The following DLG2 variants were observed in gnomAD, a reference collection of about 807,000 sequenced individuals.
DLG2 encodes the protein disks large homolog 2.
DLG2 carries 45 observed loss-of-function variants against 132.5 expected under a neutral mutation model. The observed-to-expected ratio is 0.34, with a 90% confidence interval of 0.27 to 0.44. The LOEUF is 0.44. Among genes scored for constraint, DLG2 ranks in the 20% least tolerant of loss-of-function variants. The pLI is 1.00. For missense variants in DLG2, 1,045 were observed against 1,196.9 expected (o/e 0.87, Z 1.87); for synonymous variants, 424 against 419.6 (o/e 1.01, Z -0.13).
intron 14 of DLG2, among the ~76,000 whole-genome samples, chr11:83,954,840 T>A (rs905637728): frequency 9.2e-5 from 14 of 152,232 alleles, no homozygotes; most frequent in Non-Finnish European, 2.9e-5. Flanking sequence ...GCAGCTGGTA[T>A]TAGATATTCA....
At chr11:85,481,474 A>G (rs964820951) in intron 3 of DLG2, among the ~76,000 whole-genome samples, 5 of 152,158 alleles carry the variant, frequency 3.3e-5, no homozygotes, top group Admixed American at 6.5e-5. Context: ...TACATTACCC[A>G]TTTCACCCAA....
chr11:84,420,008 G>C (rs1026224061), intron 7 of DLG2, among the ~76,000 whole-genome samples: 5 of 152,016 alleles, frequency 3.3e-5, no homozygotes, highest in Admixed American at 2.0e-4. Flanking sequence ...AACAACACTG[G>C]GGCTACAGGA....
At chr11:84,647,749 G>A (rs1472888052) in intron 6 of DLG2, among the ~76,000 whole-genome samples, 1 of 152,200 alleles carries the variant, frequency 6.6e-6, no homozygotes, top group Non-Finnish European at 1.5e-5. Flanking sequence ...TCATAGAGAT[G>A]TGAACAGTAT....
At chr11:84,000,995 C>T (rs938224808) in intron 11 of DLG2, among the ~76,000 whole-genome samples, 1 of 151,818 alleles carries the variant, frequency 6.6e-6, no homozygotes, top group Non-Finnish European at 1.5e-5. Context: ...AGCTACCAAA[C>T]CAAAATGGAA....
At chr11:84,287,741 GACACACACACACAC>G (rs373708341) in intron 7 of DLG2, among the ~76,000 whole-genome samples, 4 of 139,290 alleles carry the variant, frequency 2.9e-5, no homozygotes, top group Admixed American at 7.3e-5. Flanking sequence ...CTCTCTCTTA[GACACACACACACAC>G]ACACACACAC....
At chr11:84,732,947 A>G (rs1425349673) in intron 6 of DLG2, among the ~76,000 whole-genome samples, 1 of 152,046 alleles carries the variant, frequency 6.6e-6, no homozygotes. Flanking sequence ...AGCTTCATCC[A>G]TGTCCCTACA....
chr11:84,902,636 A>G (rs1233485265), intron 6 of DLG2, among the ~76,000 whole-genome samples: 1 of 152,064 alleles, frequency 6.6e-6, no homozygotes, highest in Admixed American at 6.6e-5. Context: ...TTCAACTGCC[A>G]CTTACATAGT....
intron 15 of DLG2, among the ~76,000 whole-genome samples, chr11:83,904,321 A>G (rs1302181100): frequency 1.3e-5 from 2 of 152,224 alleles, no homozygotes; most frequent in African/African-American, 4.8e-5. Context: ...AAAATCATGG[A>G]CAAATTGAGG....
At chr11:84,310,639 C>T (rs1337926963) in intron 7 of DLG2, among the ~76,000 whole-genome samples, 1 of 152,196 alleles carries the variant, frequency 6.6e-6, no homozygotes, top group Non-Finnish European at 1.5e-5. Context: ...TGTGTTATCA[C>T]TTGCTCTCTT....
intron 6 of DLG2, among the ~76,000 whole-genome samples, chr11:85,008,385 A>C (rs897000727): frequency 6.6e-6 from 1 of 152,072 alleles, no homozygotes. Context: ...ATTTCTCTGA[A>C]TCGTAGTTTC....
chr11:83,456,654 C>CA lies in DLG2; in HGVS notation c.*3163dup, dbSNP rs11373712. 101,195 of 142,816 alleles carry CA rather than the reference C, an allele frequency of 0.71. 35,319 individuals are homozygous for CA. Among genetic ancestry groups the CA allele is most frequent in the South Asian group, 0.78 (3,523 of 4,522 alleles). The allele number at this position is 142,816 out of a possible 1,614,324, so 8.8% of individuals were successfully genotyped here. On this transcript the variant is annotated 3_prime_UTR_variant, in exon 28 of 28. Coordinates refer to ENST00000376104, the MANE Select transcript of DLG2 (RefSeq NM_001142699.3). ...AGGAGGAATAGGAAAAGGAGAGGAA[C>CA]AAAAAAAAAAAGAGATGGAATTAGT...
chr11:84,938,551 A>T (rs919631035), intron 6 of DLG2, among the ~76,000 whole-genome samples: 4 of 152,180 alleles, frequency 2.6e-5, no homozygotes, highest in African/African-American at 9.6e-5. Flanking sequence ...TCCCTATGGG[A>T]AATGTTTCTT....
At chr11:83,757,479 G>C (rs369889335) in intron 18 of DLG2, among the ~76,000 whole-genome samples, 11 of 152,268 alleles carry the variant, frequency 7.2e-5, no homozygotes, top group African/African-American at 2.6e-4. Context: ...CCAGAGGTGG[G>C]ATCCAAGATC....
chr11:85,490,626 C>A (rs1298224563), intron 3 of DLG2, among the ~76,000 whole-genome samples: 1 of 151,934 alleles, frequency 6.6e-6, no homozygotes, highest in Non-Finnish European at 1.5e-5. Context: ...ACCAGTCATA[C>A]CACAGAAATA....
At chr11:84,048,640 G>A (rs2096287720) in intron 11 of DLG2, among the ~76,000 whole-genome samples, 1 of 151,610 alleles carries the variant, frequency 6.6e-6, no homozygotes, top group African/African-American at 2.4e-5. Context: ...ATAAGAAAAT[G>A]CATGAGGTCC....
intron 7 of DLG2, among the ~76,000 whole-genome samples, chr11:84,480,756 C>CT (rs777828752): frequency 0.03 from 3,437 of 112,996 alleles, 91 homozygotes; most frequent in African/African-American, 0.064. Context: ...TGGGGGTTTT[C>CT]TTTTTTTTTT....
intron 6 of DLG2, among the ~76,000 whole-genome samples, chr11:84,796,847 AT>A (rs1346998240): frequency 1.3e-5 from 2 of 149,674 alleles, no homozygotes; most frequent in African/African-American, 4.9e-5. Flanking sequence ...TATTTTATTT[AT>A]TTATTTATTT....
At chr11:84,916,348 CAAAAAAAA>C (rs11423369) in intron 6 of DLG2, among the ~76,000 whole-genome samples, 16 of 27,942 alleles carry the variant, frequency 5.7e-4, no homozygotes, top group African/African-American at 1.2e-3. Context: ...GACTCCGTCT[CAAAAAAAA>C]AAAAAAAAAA....
At chr11:84,004,218 C>T (rs2094477317) in intron 11 of DLG2, among the ~76,000 whole-genome samples, 1 of 152,004 alleles carries the variant, frequency 6.6e-6, no homozygotes, top group Admixed American at 6.6e-5. Context: ...TTCAACAGCA[C>T]ATCAAAAAGA....
Sources: gnomAD v4.1 joint callset for allele counts (sites outside exome capture counted in the v4.1 genomes callset) on GRCh38, gnomAD v4.1.1 for gene constraint, MANE v1.5 for transcripts, NCBI Gene and HGNC (gene_info 2026-07-23, HGNC 2026-07-21) for gene names.